PEPD: variants seen among roughly 807,000 people sequenced by gnomAD.
The protein encoded by PEPD is xaa-Pro dipeptidase.
PEPD carries 53 observed loss-of-function variants against 60.7 expected under a neutral mutation model. The ratio of observed to expected loss-of-function variants is 0.87; its 90% CI spans 0.70 to 1.10. The LOEUF (loss-of-function observed/expected upper bound fraction) is 1.10. PEPD is among the 50% of genes least tolerant of loss of function. The pLI is 0.00. For synonymous variants in PEPD, 267 were observed against 284.1 expected, an observed-to-expected ratio of 0.94 and a Z score of 0.60; for missense variants, 711 against 711.9, an observed-to-expected ratio of 1.00 and a Z score of 0.01.
At chr19:33,414,037 C>T (rs1968836809) in intron 9 of PEPD, among the ~76,000 whole-genome samples, 1 of 152,216 alleles carries the variant, frequency 6.6e-6, no homozygotes, top group Non-Finnish European at 1.5e-5. Context: ...GGAAGTGATT[C>T]CCTGTGACTC....
rs529215182 is a variant in PEPD at position 33,414,945 on chromosome 19, C to T, written c.672-1302G>A. Among the ~76,000 whole-genome samples, 7 of 152,304 alleles carry T rather than the reference C, an allele frequency of 4.6e-5. No individual in the cohort carries two copies. In the South Asian group the frequency reaches 6.2e-4, roughly 14 times the overall value. The stretch of plus-strand genomic sequence containing the variant: ...GCCGCCCCCGTATTCGTGGTGCAAG[C>T]GCTCAGGAGGCCGCTTCCACCTCGC... On this transcript the variant is annotated intron_variant, in intron 9 of 14. Coordinates refer to ENST00000244137, the MANE Select transcript of PEPD (RefSeq NM_000285.4).
At chr19:33,462,463 G>A (rs1478738682) in intron 9 of PEPD, among the ~76,000 whole-genome samples, 2 of 152,186 alleles carry the variant, frequency 1.3e-5, no homozygotes, top group African/African-American at 4.8e-5. Context: ...CCTGGAGCGG[G>A]GCTGAGCTGG....
chr19:33,400,548 C>T (rs1178649825), intron 12 of PEPD, among the ~76,000 whole-genome samples: 4 of 152,246 alleles, frequency 2.6e-5, no homozygotes, highest in African/African-American at 7.2e-5. Flanking sequence ...CAGGCTGGAC[C>T]CTGGCAGCTG....
At chr19:33,450,379 T>G (rs79639439) in intron 9 of PEPD, among the ~76,000 whole-genome samples, 1,703 of 152,288 alleles carry the variant, frequency 0.011, 26 homozygotes, top group South Asian at 0.071. Flanking sequence ...CAAGAATCAA[T>G]AGTCCTATAA....
chr19:33,501,075 A>C, intron 3 of PEPD, 74 bp from the exon 4 acceptor site: 1 of 905,826 alleles, frequency 1.1e-6, no homozygotes, highest in Non-Finnish European at 1.9e-6. Context: ...CCTGCCTGCC[A>C]AGCCCAGGCC....
chr19:33,410,910 G>A (rs376520262), intron 11 of PEPD, among the ~76,000 whole-genome samples: 4 of 152,184 alleles, frequency 2.6e-5, no homozygotes, highest in African/African-American at 9.6e-5. Flanking sequence ...TGACGTGCAG[G>A]GCACAGGCAA....
intron 9 of PEPD, among the ~76,000 whole-genome samples, chr19:33,420,940 A>C (rs2145379353): frequency 6.6e-6 from 1 of 152,214 alleles, no homozygotes; most frequent in East Asian, 1.9e-4. Context: ...TTTTAACTTC[A>C]TGTAAATGGA....
At position 33,411,733 on chromosome 19, in the gene PEPD, C is replaced by T. The variant is rs200450538; in HGVS notation, c.757G>A (p.Val253Met). Residue 253 changes from valine to methionine, a missense_variant, in exon 11 of 15, where the codon GTG (valine) becomes ATG (methionine). Coordinates refer to ENST00000244137, the MANE Select transcript of PEPD (RefSeq NM_000285.4). ...CICGSGENSA[V>M]LHYGHAGAPN... is the part of the protein sequence containing the mutation. The stretch of plus-strand genomic sequence containing the variant: ...GCTCCGGCGTGTCCGTAGTGTAGCA[C>T]GGCTGAGTTCTCACCACTGCAAAGA... 1.2e-5 allele frequency: 20 copies of T among 1,607,490 alleles called. No homozygotes were observed. Among genetic ancestry groups the T allele is most frequent in the Admixed American group, 5.0e-5 (3 of 59,922 alleles).
intron 13 of PEPD, among the ~76,000 whole-genome samples, chr19:33,389,302 G>A (rs979024635): frequency 1.3e-5 from 2 of 152,228 alleles, no homozygotes; most frequent in African/African-American, 4.8e-5. Flanking sequence ...CCTCTGGGCC[G>A]CTGACCGGGA....
At chr19:33,413,995 G>A (rs1229011887) in intron 9 of PEPD, among the ~76,000 whole-genome samples, 1 of 152,190 alleles carries the variant, frequency 6.6e-6, no homozygotes, top group East Asian at 1.9e-4. Flanking sequence ...AGCCGGGCTG[G>A]GGCAGAGGCC....
At chr19:33,491,821 T>C (rs1348749405) in intron 5 of PEPD, among the ~76,000 whole-genome samples, 1 of 152,216 alleles carries the variant, frequency 6.6e-6, no homozygotes, top group East Asian at 1.9e-4. Flanking sequence ...TATGTTTGCT[T>C]GGACCAGTAT....
chr19:33,452,020 C>G (rs893140160), intron 9 of PEPD, among the ~76,000 whole-genome samples: 2 of 152,120 alleles, frequency 1.3e-5, no homozygotes, highest in Non-Finnish European at 2.9e-5. Flanking sequence ...TCATGTACAC[C>G]AAAGTATATA....
intron 9 of PEPD, among the ~76,000 whole-genome samples, chr19:33,433,863 C>G (rs536185318): frequency 1.3e-5 from 2 of 152,348 alleles, no homozygotes; most frequent in South Asian, 2.1e-4. Context: ...TGCCCGGAGT[C>G]TGGCCGCAGG....
intron 9 of PEPD, among the ~76,000 whole-genome samples, chr19:33,416,611 C>T (rs535987488): frequency 2.0e-5 from 3 of 152,354 alleles, no homozygotes; most frequent in Admixed American, 2.0e-4. Flanking sequence ...TCCCCAGCAG[C>T]AGGGAGGGGC....
At chr19:33,445,714 C>T (rs1969581057) in intron 9 of PEPD, among the ~76,000 whole-genome samples, 1 of 152,200 alleles carries the variant, frequency 6.6e-6, no homozygotes, top group African/African-American at 2.4e-5. Context: ...CTCACACAGG[C>T]ACCTTCAGGC....
chr19:33,521,615 G>A, intron 1 of PEPD, 129 bp downstream of exon 1: 2 of 1,039,844 alleles, frequency 1.9e-6, no homozygotes, highest in Admixed American at 2.0e-5. Flanking sequence ...GGGACTCCGG[G>A]CCAACGGGAA....
chr19:33,394,521 T>C (rs562810089), intron 12 of PEPD, among the ~76,000 whole-genome samples: 109 of 152,336 alleles, frequency 7.2e-4, no homozygotes, highest in African/African-American at 2.3e-3. Context: ...GTTGTGACAG[T>C]GATTCAACCT....
chr19:33,407,120 C>T (rs112918934), intron 11 of PEPD, among the ~76,000 whole-genome samples: 7 of 152,316 alleles, frequency 4.6e-5, no homozygotes, highest in East Asian at 1.9e-4. Context: ...AGAAACTCTG[C>T]GAGGGGCCAC....
At position 33,399,520 on chromosome 19, in the gene PEPD, C is replaced by T. The variant is rs1428518194; in HGVS notation, c.967+2201G>A. Among the ~76,000 whole-genome samples, 12 of 152,038 alleles carry T rather than the reference C, an allele frequency of 7.9e-5. No homozygotes were observed. In the South Asian group the frequency reaches 2.3e-3, roughly 29 times the overall value. ...GGCTGGGGCCTGGCACTGCCCCCAG[C>T]GTCCCTCCGCGGCTCCTCAGCCTCT... On this transcript the variant is annotated intron_variant, in intron 12 of 14. Coordinates refer to ENST00000244137, the MANE Select transcript of PEPD (RefSeq NM_000285.4).
Sources: allele counts gnomAD v4.1 joint callset (sites outside exome capture counted in the v4.1 genomes callset), GRCh38; gene constraint gnomAD v4.1.1; transcripts MANE v1.5; gene names NCBI Gene and HGNC (gene_info 2026-07-23, HGNC 2026-07-21).